SLC44A5: variants seen among roughly 807,000 people sequenced by gnomAD.
The protein encoded by SLC44A5 is choline transporter-like protein 5.
SLC44A5 carries 57 observed loss-of-function variants against 101.8 expected under a neutral mutation model. The observed-to-expected ratio is 0.56, with a 90% CI of 0.45 to 0.70. The LOEUF is 0.70. SLC44A5 is among the 30% of genes least tolerant of loss of function. The pLI is 0.00. For missense variants in SLC44A5, 737 were observed against 853.1 expected (o/e 0.86, Z 1.70); for synonymous variants, 281 against 290.9 (o/e 0.97, Z 0.35).
At chr1:75,415,621 G>A (rs1663593041) in intron 2 of SLC44A5, among the ~76,000 whole-genome samples, 1 of 152,166 alleles carries the variant, frequency 6.6e-6, no homozygotes, top group Non-Finnish European at 1.5e-5. Context: ...CAGTTTAGAG[G>A]GCTCAGAGGA....
At chr1:75,537,005 CAAAAAAAAAAA>C (rs1167125855) in intron 2 of SLC44A5, among the ~76,000 whole-genome samples, 5 of 8,284 alleles carry the variant, frequency 6.0e-4, no homozygotes, top group African/African-American at 1.2e-3. Flanking sequence ...GACTCCATCT[CAAAAAAAAAAA>C]AAAAAAAAAA....
At chr1:75,351,235 G>C (rs1658631411) in intron 3 of SLC44A5, among the ~76,000 whole-genome samples, 1 of 151,912 alleles carries the variant, frequency 6.6e-6, no homozygotes, top group Admixed American at 6.6e-5. Context: ...AGGAGAAAGA[G>C]ACATAATCAT....
chr1:75,571,574 T>A (rs1055402767), intron 1 of SLC44A5, among the ~76,000 whole-genome samples: 1 of 152,170 alleles, frequency 6.6e-6, no homozygotes, highest in Admixed American at 6.5e-5. Context: ...ACATGAGATA[T>A]TCAATACTTT....
At chr1:75,336,797 T>C (rs982298143) in intron 4 of SLC44A5, among the ~76,000 whole-genome samples, 1 of 152,190 alleles carries the variant, frequency 6.6e-6, no homozygotes, top group African/African-American at 2.4e-5. Flanking sequence ...ATCCACACCA[T>C]ATGCAGTGTC....
chr1:75,365,708 TA>T (rs779061054), intron 3 of SLC44A5, among the ~76,000 whole-genome samples: 4 of 152,222 alleles, frequency 2.6e-5, no homozygotes, highest in Admixed American at 2.6e-4. Context: ...TATGCAGCCA[TA>T]AAAAATGAGT....
At chr1:75,363,124 T>TG (rs1481713188) in intron 3 of SLC44A5, among the ~76,000 whole-genome samples, 11 of 152,178 alleles carry the variant, frequency 7.2e-5, no homozygotes, top group Admixed American at 3.9e-4. Flanking sequence ...CTACCCCTGC[T>TG]CTCATTTGGT....
intron 2 of SLC44A5, among the ~76,000 whole-genome samples, chr1:75,485,860 A>G (rs866327572): frequency 1.3e-5 from 2 of 152,166 alleles, no homozygotes; most frequent in Admixed American, 6.5e-5. Flanking sequence ...TAGTGGCAGG[A>G]GAGATGGTCA....
intron 4 of SLC44A5, among the ~76,000 whole-genome samples, chr1:75,320,145 T>C (rs940273593): frequency 2.0e-5 from 3 of 152,110 alleles, no homozygotes; most frequent in African/African-American, 7.2e-5. Context: ...TATAGTGTAA[T>C]ATGGTTTACA....
At chr1:75,353,234 T>A (rs1311740887) in intron 3 of SLC44A5, among the ~76,000 whole-genome samples, 1 of 152,220 alleles carries the variant, frequency 6.6e-6, no homozygotes, top group East Asian at 1.9e-4. Context: ...AAGACTCAAG[T>A]AATCCAAGTT....
intron 7 of SLC44A5, among the ~76,000 whole-genome samples, chr1:75,245,540 A>C (rs193165185): frequency 6.6e-6 from 1 of 152,068 alleles, no homozygotes; most frequent in East Asian, 1.9e-4. Context: ...AATACACTTA[A>C]ATGGATTTAT....
chr1:75,656,149 T>C, the SLC44A5 span, among the ~76,000 whole-genome samples: 1 of 152,214 alleles, frequency 6.6e-6, no homozygotes. Flanking sequence ...GAGTATACTG[T>C]ATCCAGCAAA....
chr1:75,379,472 G>A (rs1273860760), intron 3 of SLC44A5, among the ~76,000 whole-genome samples: 1 of 61,084 alleles, frequency 1.6e-5, no homozygotes, highest in Non-Finnish European at 2.6e-5. Flanking sequence ...CTGCCTTAGA[G>A]CCTGGGAAAA....
chr1:75,413,951 T>C (rs1020734202), intron 2 of SLC44A5, among the ~76,000 whole-genome samples: 3 of 152,208 alleles, frequency 2.0e-5, no homozygotes, highest in Admixed American at 2.0e-4. Context: ...GTTGTCTTAC[T>C]GTATTCCTTA....
the SLC44A5 span, among the ~76,000 whole-genome samples, chr1:75,648,397 T>C: frequency 7.9e-5 from 12 of 152,164 alleles, no homozygotes; most frequent in Non-Finnish European, 8.8e-5. Context: ...ACAACAGTCA[T>C]GCAGTATGAT....
chr1:75,237,919 T>C (rs1648249501), intron 10 of SLC44A5, among the ~76,000 whole-genome samples: 1 of 151,704 alleles, frequency 6.6e-6, no homozygotes. Flanking sequence ...CGATATGCTG[T>C]ACACATTTAT....
chr1:75,409,468 T>C (rs1663134305), intron 2 of SLC44A5, among the ~76,000 whole-genome samples: 1 of 152,094 alleles, frequency 6.6e-6, no homozygotes, highest in South Asian at 2.1e-4. Flanking sequence ...GGTCTTGTTG[T>C]TTCTAGTGCT....
At chr1:75,553,338 T>A (rs2101986580) in intron 1 of SLC44A5, among the ~76,000 whole-genome samples, 1 of 152,280 alleles carries the variant, frequency 6.6e-6, no homozygotes, top group African/African-American at 2.4e-5. Context: ...TTTTCATTGT[T>A]TTTTCAATAT....
chr1:75,534,906 C>T (rs1670912736), intron 2 of SLC44A5, among the ~76,000 whole-genome samples: 1 of 152,138 alleles, frequency 6.6e-6, no homozygotes, highest in South Asian at 2.1e-4. Context: ...ATTATGCCCA[C>T]ATTATAATTT....
intron 2 of SLC44A5, among the ~76,000 whole-genome samples, chr1:75,490,405 C>T (rs1377186820): frequency 6.6e-6 from 1 of 152,074 alleles, no homozygotes. Context: ...CTACAAATGG[C>T]TTCTTTTTTC....
Sources: gnomAD v4.1 joint callset for allele counts (sites outside exome capture counted in the v4.1 genomes callset) on GRCh38, gnomAD v4.1.1 for gene constraint, MANE v1.5 for transcripts, NCBI Gene and HGNC (gene_info 2026-07-23, HGNC 2026-07-21) for gene names.